The following DST variants were observed in gnomAD, a reference collection of about 807,000 sequenced individuals.
DST encodes bullous pemphigoid antigen.
Under a neutral mutation model 875.2 loss-of-function variants are expected in DST, and 253 were observed. The ratio of observed to expected loss-of-function variants is 0.29; its 90% confidence interval spans 0.26 to 0.32. DST has a LOEUF of 0.32. Ranked by LOEUF, DST falls within the 10% of genes least tolerant of loss-of-function variation. The probability of loss-of-function intolerance (pLI) is 1.00; values close to 1 mark genes in which losing one functional copy is unlikely to be tolerated. For missense variants in DST, 8,287 were observed against 9,111.6 expected (o/e 0.91, Z 3.68); for synonymous variants, 3,124 against 3,197.1 (o/e 0.98, Z 0.77).
At chr6:56,670,133 C>CATGTGTGTGT (rs1554600648) in intron 10 of DST, among the ~76,000 whole-genome samples, 2 of 146,198 alleles carry the variant, frequency 1.4e-5, no homozygotes, top group African/African-American at 5.0e-5. Flanking sequence ...AGCGCCCGTG[C>CATGTGTGTGT]GTGTGTGTGT....
intron 7 of DST, among the ~76,000 whole-genome samples, chr6:56,703,414 AG>A (rs751604109): frequency 2.6e-5 from 4 of 152,214 alleles, no homozygotes; most frequent in Admixed American, 6.5e-5. Context: ...ATTACCATGC[AG>A]TGCACAGTAA....
chr6:56,857,789 T>C (rs551468470), intron 3 of DST, among the ~76,000 whole-genome samples: 1 of 152,358 alleles, frequency 6.6e-6, no homozygotes, highest in African/African-American at 2.4e-5. Context: ...ACTATCCTTA[T>C]ATGACTAGTT....
intron 8 of DST, 74 bp from the exon 9 acceptor site, chr6:56,699,819 A>G: frequency 1.6e-6 from 1 of 613,684 alleles, no homozygotes; most frequent in Non-Finnish European, 2.7e-6. Flanking sequence ...CCTACATAAA[A>G]GCAATTCTAA....
chr6:56,660,894 T>A (rs371667874), intron 10 of DST, among the ~76,000 whole-genome samples: 1 of 152,002 alleles, frequency 6.6e-6, no homozygotes, highest in South Asian at 2.1e-4. Context: ...AGAAACAGTA[T>A]ATTTATAGCA....
intron 44 of DST, 47 bp from the exon 45 acceptor site, chr6:56,600,268 A>C: frequency 3.2e-6 from 5 of 1,571,990 alleles, no homozygotes; most frequent in Non-Finnish European, 4.3e-6. Flanking sequence ...GGTGGTCACA[A>C]AATCGCTATT....
At chr6:56,741,565 A>G (rs1285820420) in intron 4 of DST, among the ~76,000 whole-genome samples, 1 of 152,228 alleles carries the variant, frequency 6.6e-6, no homozygotes, top group East Asian at 1.9e-4. Context: ...CTAGAGTCAG[A>G]GAATAATTTA....
intron 4 of DST, among the ~76,000 whole-genome samples, chr6:56,760,981 TA>T (rs1490929766): frequency 6.6e-6 from 1 of 152,250 alleles, no homozygotes; most frequent in Non-Finnish European, 1.5e-5. Flanking sequence ...GTAGGGACAC[TA>T]ATTAATGGAA....
chr6:56,791,254 G>A (rs575342291), intron 4 of DST, among the ~76,000 whole-genome samples: 19 of 152,160 alleles, frequency 1.2e-4, no homozygotes, highest in African/African-American at 4.3e-4. Flanking sequence ...GCGAGATTCC[G>A]TCTCAAAAAA....
chr6:56,664,653 T>C (rs1484424746), intron 10 of DST, among the ~76,000 whole-genome samples: 1 of 152,200 alleles, frequency 6.6e-6, no homozygotes, highest in Non-Finnish European at 1.5e-5. Flanking sequence ...TTGATCTAAG[T>C]TCATCAAATC....
chr6:56,572,651 A>C, intron 52 of DST, 96 bp downstream of exon 52: 1 of 918,740 alleles, frequency 1.1e-6, no homozygotes, highest in Non-Finnish European at 1.6e-6. Context: ...TAAGCAATTA[A>C]AATGATTGCC....
chr6:56,563,422 T>A (rs557334562), intron 55 of DST, among the ~76,000 whole-genome samples: 138 of 152,312 alleles, frequency 9.1e-4, no homozygotes, highest in South Asian at 2.9e-3. Flanking sequence ...TCGCCCACTT[T>A]TTGATGGGGT....
At chr6:56,541,230 C>T (rs1165430092) in intron 61 of DST, 1 of 152,598 alleles carries the variant, frequency 6.6e-6, no homozygotes, top group African/African-American at 2.4e-5. Context: ...CGAATGATAT[C>T]ACTATTTAGT....
chr6:56,631,579 A>G (rs1436651605), intron 29 of DST, among the ~76,000 whole-genome samples, 190 bp from the exon 30 acceptor site: 4 of 152,202 alleles, frequency 2.6e-5, no homozygotes, highest in Non-Finnish European at 1.5e-5. Context: ...CTTACTGTTC[A>G]TCTCCTTAGC....
At chr6:56,684,742 T>G (rs1246613956) in intron 9 of DST, among the ~76,000 whole-genome samples, 1 of 152,212 alleles carries the variant, frequency 6.6e-6, no homozygotes, top group Admixed American at 6.5e-5. Context: ...GTGCACCTAC[T>G]GCCAGGAAAA....
chr6:56,723,290 C>T (rs577529141), intron 5 of DST, among the ~76,000 whole-genome samples: 11 of 151,958 alleles, frequency 7.2e-5, no homozygotes, highest in East Asian at 5.8e-4. Flanking sequence ...GAGGGCTGGG[C>T]GTGGTGGCTT....
At position 56,517,406 on chromosome 6, in the gene DST, AG is replaced by A. The variant is rs1255891481; in HGVS notation, c.18249+94del. On this transcript the variant is annotated intron_variant, in intron 70 of 103. Coordinates refer to ENST00000680361, the MANE Select transcript of DST (RefSeq NM_001374736.1). ...AGTTAAAAATATCACGTTACACTAG[AG>A]GGGTCTTAAAAAGTAAATCATACAA... 5 of 1,582,754 alleles carry A rather than the reference AG, an allele frequency of 3.2e-6. No homozygotes were observed. The Admixed American group carries it at 5.2e-5, about 16-fold the overall frequency.
intron 98 of DST, chr6:56,467,277 A>C (rs565861753): frequency 2.0e-5 from 3 of 152,272 alleles, no homozygotes; most frequent in Admixed American, 2.0e-4. Context: ...AGGTAGAAAA[A>C]AATCTGCTAC....
intron 10 of DST, among the ~76,000 whole-genome samples, chr6:56,665,654 T>C (rs781143125): frequency 6.6e-6 from 1 of 152,106 alleles, no homozygotes; most frequent in Non-Finnish European, 1.5e-5. Flanking sequence ...AAAAATGAAG[T>C]CATGCCATAA....
chr6:56,916,434 C>T (rs1327552290), intron 2 of DST, among the ~76,000 whole-genome samples: 2 of 152,146 alleles, frequency 1.3e-5, no homozygotes, highest in African/African-American at 4.8e-5. Flanking sequence ...GAGCATCACT[C>T]CTGCCAGTGC....
Sources: gnomAD v4.1 joint callset for allele counts (sites outside exome capture counted in the v4.1 genomes callset) on GRCh38, gnomAD v4.1.1 for gene constraint, MANE v1.5 for transcripts, NCBI Gene and HGNC (gene_info 2026-07-23, HGNC 2026-07-21) for gene names.